The following RAPGEF4 variants were observed in gnomAD, a reference collection of about 807,000 sequenced individuals.
The protein encoded by RAPGEF4 is Rap guanine nucleotide exchange factor 4.
In RAPGEF4, 66 loss-of-function variants were observed where a neutral mutation model predicts 147.9. That is an observed-to-expected ratio of 0.45 (90% CI 0.37 to 0.55). The LOEUF (loss-of-function observed/expected upper bound fraction) is 0.55. Among genes scored for constraint, RAPGEF4 ranks in the 20% least tolerant of loss-of-function variants. The pLI, the probability that RAPGEF4 is intolerant of heterozygous loss-of-function variation, is 0.00. For synonymous variants in RAPGEF4, 419 were observed against 442.7 expected, an observed-to-expected ratio of 0.95 and a Z score of 0.67; for missense variants, 1,071 against 1,257.3, an observed-to-expected ratio of 0.85 and a Z score of 2.24.
Position 173,051,897 on chromosome 2 carries a change from C to T in RAPGEF4, c.*130C>T, listed in dbSNP as rs1686285437. 1 of 1,063,696 alleles carries T rather than the reference C, an allele frequency of 9.4e-7. No homozygotes were observed. Among genetic ancestry groups the T allele is most frequent in the South Asian group, 1.7e-5 (1 of 59,400 alleles). The allele number at this position is 1,063,696 out of a possible 1,614,324, so 65.9% of individuals were successfully genotyped here. On this transcript the variant is annotated 3_prime_UTR_variant, in exon 31 of 31. Coordinates refer to ENST00000397081, the MANE Select transcript of RAPGEF4 (RefSeq NM_007023.4). Reference sequence around the variant, plus strand: ...CAAGCAAAAACACATCCTGAGACACCTCAGGGCTGCATTCAGCTTACCAGC... The same window carrying T: ...CAAGCAAAAACACATCCTGAGACACTTCAGGGCTGCATTCAGCTTACCAGC...
At chr2:172,980,911 G>T (rs1575434153) in intron 10 of RAPGEF4, among the ~76,000 whole-genome samples, 1 of 152,100 alleles carries the variant, frequency 6.6e-6, no homozygotes, top group Non-Finnish European at 1.5e-5. Flanking sequence ...GTCCCCCAAA[G>T]TGCTGGGACT....
intron 29 of RAPGEF4, among the ~76,000 whole-genome samples, chr2:173,041,887 G>A (rs1684807729): frequency 6.6e-6 from 1 of 150,584 alleles, no homozygotes; most frequent in Admixed American, 6.6e-5. Context: ...CAGCTCACAG[G>A]TCCCCTCCTC....
chr2:172,834,706 A>T lies in RAPGEF4; in HGVS notation c.444+20281A>T, dbSNP rs573229305. Reference sequence around the variant, plus strand: ...ATATTCCAAAATCTGAAAAAATCAGAAATCTGAACCAAACAAATGACTTTT... The same window carrying T: ...ATATTCCAAAATCTGAAAAAATCAGTAATCTGAACCAAACAAATGACTTTT... On this transcript the variant is annotated intron_variant, in intron 4 of 30. Transcript: ENST00000397081. Among the ~76,000 whole-genome samples the T allele has an allele frequency of 4.6e-5, 7 of 152,336 alleles. No homozygotes were observed. In the South Asian group the frequency reaches 1.5e-3, roughly 32 times the overall value.
At chr2:172,976,535 A>C (rs536189676) in intron 10 of RAPGEF4, among the ~76,000 whole-genome samples, 20 of 152,266 alleles carry the variant, frequency 1.3e-4, no homozygotes, top group East Asian at 3.9e-4. Flanking sequence ...CCCCCACCCC[A>C]CACACACAAA....
In RAPGEF4 at chr2:173,017,205, G is replaced by A; in HGVS notation, c.1929+1G>A. The stretch of plus-strand genomic sequence containing the variant: ...AGATGCAAAGGCACCACAAAAGAAG[G>A]TAGGTGGCATGAACTTGCATTCTCT... On this transcript the variant is annotated splice_donor_variant, in intron 20 of 30. Transcript: ENST00000397081. LOFTEE classifies it high-confidence loss of function. The A allele has an allele frequency of 6.2e-7, 1 of 1,613,170 alleles. No individual in the cohort carries two copies. Among genetic ancestry groups the A allele is most frequent in the Non-Finnish European group, 8.5e-7 (1 of 1,179,088 alleles).
intron 15 of RAPGEF4, among the ~76,000 whole-genome samples, chr2:172,993,394 G>A (rs1026867175): frequency 6.6e-6 from 1 of 152,166 alleles, no homozygotes; most frequent in Non-Finnish European, 1.5e-5. Context: ...ACTCCATCCT[G>A]TGTGCAGGAA....
chr2:173,020,755 G>A, intron 23 of RAPGEF4, 40 bp downstream of exon 23: 2 of 1,520,942 alleles, frequency 1.3e-6, no homozygotes, highest in Non-Finnish European at 1.8e-6. Context: ...ATTGCAATCA[G>A]AAAAACTTGT....
chr2:172,873,567 G>T (rs543976423), intron 4 of RAPGEF4, among the ~76,000 whole-genome samples: 9 of 152,270 alleles, frequency 5.9e-5, no homozygotes, highest in African/African-American at 1.7e-4. Context: ...CAAATGCAAT[G>T]ATTTAGGTAA....
At chr2:173,031,415 A>G (rs1246263283) in intron 26 of RAPGEF4, among the ~76,000 whole-genome samples, 1 of 152,226 alleles carries the variant, frequency 6.6e-6, no homozygotes, top group Non-Finnish European at 1.5e-5. Flanking sequence ...CTTATAGTCC[A>G]AGGCTCTTGG....
chr2:172,984,778 C>T (rs1692064966), intron 11 of RAPGEF4, among the ~76,000 whole-genome samples: 1 of 152,182 alleles, frequency 6.6e-6, no homozygotes, highest in South Asian at 2.1e-4. Flanking sequence ...TCCGACTTCC[C>T]TGGTCTCAGT....
At chr2:172,772,029 A>G (rs1366969774) in intron 1 of RAPGEF4, among the ~76,000 whole-genome samples, 1 of 152,258 alleles carries the variant, frequency 6.6e-6, no homozygotes. Context: ...CTTGATCCCA[A>G]AGAGTTTGAG....
In RAPGEF4 at chr2:172,967,300, A is replaced by G. The variant is rs200306531; in HGVS notation, c.860A>G (p.Tyr287Cys). ...EHHFQDKYLF[Y>C]RFLDDEHEDA... ...CATTTCCAAGACAAATATTTATTCT[A>G]TCGATTTCTGGATGATGAGCACGAG... The change falls in exon 10 of 31, where the codon TAT becomes TGT. Residue 287 changes from tyrosine to cysteine, a missense_variant. Coordinates refer to ENST00000397081, the MANE Select transcript of RAPGEF4 (RefSeq NM_007023.4). 1.4e-4 allele frequency: 221 copies of G among 1,612,208 alleles called. No individual in the cohort carries two copies. Among genetic ancestry groups the G allele is most frequent in the Non-Finnish European group, 1.7e-4 (205 of 1,179,716 alleles).
intron 2 of RAPGEF4, 36 bp from the exon 3 acceptor site, chr2:172,797,489 A>G (rs1051466347): frequency 1.0e-5 from 16 of 1,546,238 alleles, no homozygotes; most frequent in Non-Finnish European, 1.4e-5. Flanking sequence ...ACCAAGTTGT[A>G]TCTGTTATAT....
intron 4 of RAPGEF4, among the ~76,000 whole-genome samples, chr2:172,836,193 T>C (rs1690904168): frequency 6.6e-6 from 1 of 152,208 alleles, no homozygotes; most frequent in Non-Finnish European, 1.5e-5. Context: ...AAAATCTTCA[T>C]GGTAGCTTCC....
chr2:172,737,961 A>G (rs780982079), intron 1 of RAPGEF4, among the ~76,000 whole-genome samples: 1 of 152,246 alleles, frequency 6.6e-6, no homozygotes, highest in Non-Finnish European at 1.5e-5. Flanking sequence ...GTTTTGTGGT[A>G]TTAAAAGAAC....
intron 1 of RAPGEF4, among the ~76,000 whole-genome samples, chr2:172,779,448 A>G (rs1485513612): frequency 2.6e-5 from 4 of 152,164 alleles, no homozygotes; most frequent in Admixed American, 6.5e-5. Flanking sequence ...AGTTGTTGCA[A>G]GGGCTTGAAG....
At chr2:172,753,676 T>C (rs1385859200) in intron 1 of RAPGEF4, among the ~76,000 whole-genome samples, 2 of 152,098 alleles carry the variant, frequency 1.3e-5, no homozygotes, top group African/African-American at 2.4e-5. Flanking sequence ...AAATTAGTAA[T>C]AAGTGAAATT....
At chr2:172,875,611 C>G (rs1442582857) in intron 4 of RAPGEF4, among the ~76,000 whole-genome samples, 1 of 152,158 alleles carries the variant, frequency 6.6e-6, no homozygotes, top group African/African-American at 2.4e-5. Flanking sequence ...TTCTATATCT[C>G]TGTTTTGGTA....
At chr2:172,964,027 ACT>A (rs1429486198) in intron 8 of RAPGEF4, among the ~76,000 whole-genome samples, 2 of 152,008 alleles carry the variant, frequency 1.3e-5, no homozygotes, top group African/African-American at 4.8e-5. Flanking sequence ...GAGTCTGTGT[ACT>A]CTTTTTTTGT....
Sources: gnomAD v4.1 joint callset for allele counts (sites outside exome capture counted in the v4.1 genomes callset) on GRCh38, gnomAD v4.1.1 for gene constraint, MANE v1.5 for transcripts, NCBI Gene and HGNC (gene_info 2026-07-23, HGNC 2026-07-21) for gene names.